Variants in CSMD1 observed in about 807,000 individuals in gnomAD.
CSMD1 encodes CUB and Sushi multiple domains 1.
Under a neutral mutation model 417.5 loss-of-function variants are expected in CSMD1, and 213 were observed. That is an observed-to-expected ratio of 0.51 (90% CI 0.46 to 0.57). The LOEUF (loss-of-function observed/expected upper bound fraction) is 0.57. CSMD1 is among the 20% of genes least tolerant of loss of function. The pLI is 0.00. For missense variants in CSMD1, 6,923 were observed against 4,529.7 expected (o/e 1.53, Z -15.17); for synonymous variants, 2,862 against 1,736.8 (o/e 1.65, Z -16.11).
intron 2 of CSMD1, among the ~76,000 whole-genome samples, chr8:4,588,290 G>C (rs761058201): frequency 1.3e-5 from 2 of 151,804 alleles, no homozygotes; most frequent in Non-Finnish European, 2.9e-5. Flanking sequence ...GCTGATACTA[G>C]CCAAAAAGAA....
At chr8:3,097,770 G>C (rs1021272162) in intron 46 of CSMD1, among the ~76,000 whole-genome samples, 13 of 151,988 alleles carry the variant, frequency 8.6e-5, no homozygotes, top group African/African-American at 2.9e-4. Flanking sequence ...GGGGTGGGGG[G>C]AACTACTGTA....
chr8:4,216,869 C>T (rs560385350), intron 3 of CSMD1, among the ~76,000 whole-genome samples: 1 of 152,196 alleles, frequency 6.6e-6, no homozygotes, highest in African/African-American at 2.4e-5. Context: ...GCTTGACAGT[C>T]TCCCTTTTTT....
chr8:3,371,963 G>A (rs1585067822), intron 18 of CSMD1, among the ~76,000 whole-genome samples: 1 of 152,176 alleles, frequency 6.6e-6, no homozygotes, highest in African/African-American at 2.4e-5. Flanking sequence ...TCTGCCCCCA[G>A]CATCAGGGAT....
intron 5 of CSMD1, among the ~76,000 whole-genome samples, chr8:3,990,288 T>C (rs917302763): frequency 1.3e-5 from 2 of 152,176 alleles, no homozygotes; most frequent in Non-Finnish European, 2.9e-5. Context: ...AAATAATTTA[T>C]AGGAAAAGTA....
intron 3 of CSMD1, among the ~76,000 whole-genome samples, chr8:4,073,867 A>T (rs1218204645): frequency 2.6e-5 from 4 of 152,152 alleles, no homozygotes; most frequent in Non-Finnish European, 4.4e-5. Context: ...AAATTCAGTA[A>T]TATAGTCAAT....
chr8:4,737,448 T>C (rs1810314996), intron 1 of CSMD1, among the ~76,000 whole-genome samples: 1 of 151,872 alleles, frequency 6.6e-6, no homozygotes, highest in African/African-American at 2.4e-5. Context: ...ATAACAAAAA[T>C]TTACCTGTTT....
intron 2 of CSMD1, among the ~76,000 whole-genome samples, chr8:4,516,284 A>G (rs1224126246): frequency 6.6e-6 from 1 of 152,056 alleles, no homozygotes; most frequent in Admixed American, 6.6e-5. Context: ...GGAGAAACCA[A>G]CCCCACTGAC....
intron 47 of CSMD1, among the ~76,000 whole-genome samples, chr8:3,095,549 TG>T (rs1328005298): frequency 6.6e-6 from 1 of 152,230 alleles, no homozygotes; most frequent in African/African-American, 2.4e-5. Context: ...AATTCATTTT[TG>T]AAAATACATT....
intron 50 of CSMD1, among the ~76,000 whole-genome samples, chr8:3,040,659 C>T (rs1007234374): frequency 1.1e-4 from 17 of 151,722 alleles, no homozygotes; most frequent in South Asian, 2.1e-4. Context: ...AAAAATTAGC[C>T]GGGCATGGCG....
At chr8:3,984,970 G>C (rs924957074) in intron 5 of CSMD1, among the ~76,000 whole-genome samples, 4 of 151,908 alleles carry the variant, frequency 2.6e-5, no homozygotes, top group Non-Finnish European at 5.9e-5. Flanking sequence ...GTGAAGACTT[G>C]GGAAAGATGG....
intron 12 of CSMD1, among the ~76,000 whole-genome samples, chr8:3,461,152 G>C (rs984970899): frequency 9.2e-5 from 14 of 152,198 alleles, no homozygotes; most frequent in Admixed American, 6.5e-5. Context: ...GAGGCTGCTA[G>C]AGAGGGCTCA....
chr8:4,531,200 C>G (rs4875109), intron 2 of CSMD1, among the ~76,000 whole-genome samples: 2 of 152,190 alleles, frequency 1.3e-5, no homozygotes, highest in African/African-American at 2.4e-5. Flanking sequence ...TAATCAGTGA[C>G]GTACAGTTGT....
chr8:3,988,377 C>T (rs1011271268), intron 5 of CSMD1, among the ~76,000 whole-genome samples: 1 of 152,072 alleles, frequency 6.6e-6, no homozygotes, highest in Non-Finnish European at 1.5e-5. Flanking sequence ...GGAGGAAAAC[C>T]TGAAATTATT....
intron 2 of CSMD1, among the ~76,000 whole-genome samples, chr8:4,453,145 G>A (rs5000535): frequency 0.11 from 17,427 of 151,746 alleles, 1,174 homozygotes; most frequent in South Asian, 0.22. Flanking sequence ...ACCAATTTGA[G>A]GCAAATATGG....
intron 1 of CSMD1, among the ~76,000 whole-genome samples, chr8:4,648,837 G>C (rs902108035): frequency 4.6e-5 from 7 of 152,246 alleles, no homozygotes; most frequent in South Asian, 2.1e-4. Flanking sequence ...TGTGTTTATA[G>C]TTGGTCGGGA....
intron 5 of CSMD1, among the ~76,000 whole-genome samples, chr8:3,773,820 G>A (rs1266824021): frequency 1.3e-5 from 2 of 152,064 alleles, no homozygotes; most frequent in African/African-American, 4.8e-5. Flanking sequence ...GCTTCAACAA[G>A]TCGTTTTCAC....
At chr8:3,909,102 G>T (rs1808291241) in intron 5 of CSMD1, among the ~76,000 whole-genome samples, 1 of 152,166 alleles carries the variant, frequency 6.6e-6, no homozygotes, top group Admixed American at 6.5e-5. Context: ...CCACTGGGCT[G>T]GAGACAACTA....
intron 5 of CSMD1, among the ~76,000 whole-genome samples, chr8:3,980,206 T>A (rs1813744863): frequency 6.6e-6 from 1 of 152,226 alleles, no homozygotes; most frequent in Non-Finnish European, 1.5e-5. Context: ...CAAAATTAGC[T>A]ATGCCTCATC....
At chr8:4,552,301 G>A (rs532227144) in intron 2 of CSMD1, among the ~76,000 whole-genome samples, 3 of 151,792 alleles carry the variant, frequency 2.0e-5, no homozygotes, top group East Asian at 1.9e-4. Flanking sequence ...TCCCTGAAAC[G>A]TTATGCATAT....
Sources: gnomAD v4.1 joint callset for allele counts (sites outside exome capture counted in the v4.1 genomes callset) on GRCh38, gnomAD v4.1.1 for gene constraint, MANE v1.5 for transcripts, NCBI Gene and HGNC (gene_info 2026-07-23, HGNC 2026-07-21) for gene names.